The following DRD1 variants were observed in gnomAD, a reference collection of about 807,000 sequenced individuals.
The protein encoded by DRD1 is dopamine receptor D1.
DRD1 carries 2 observed loss-of-function variants against 23.8 expected under a neutral mutation model. The observed-to-expected ratio is 0.08, with a 90% CI of 0.03 to 0.26. DRD1 has a LOEUF of 0.26. DRD1 is among the 10% of genes least tolerant of loss of function. DRD1 has a pLI of 1.00. For synonymous variants in DRD1, 218 were observed against 225.7 expected, an observed-to-expected ratio of 0.97 and a Z score of 0.30; for missense variants, 376 against 559.0, an observed-to-expected ratio of 0.67 and a Z score of 3.30.
Position 175,442,822 on chromosome 5 carries a change from C to T in DRD1, c.278G>A (p.Gly93Glu). Residue 93 changes from glycine to glutamate, a missense_variant, in exon 2 of 2, where the codon GGG (glycine) becomes GAG (glutamate). Coordinates refer to ENST00000393752, the MANE Select transcript of DRD1 (RefSeq NM_000794.5). This position sits in a 1 kb window ranked among gnomAD's most constrained non-coding sequence, Gnocchi z 7.3. Reference protein sequence around the residue: ...VAEIAGFWPFGSFCNIWVAFD... With the variant: ...VAEIAGFWPFESFCNIWVAFD... ...GGCCACCCAGATGTTACAGAAGGAC[C>T]CAAAGGGCCAGAAGCCAGCAATCTC... 1.2e-6 allele frequency: 2 copies of T among 1,614,078 alleles called. No individual in the cohort carries two copies. The highest frequency in any genetic ancestry group is 1.7e-6 in the Non-Finnish European group (2 of 1,180,018).
rs149673312 is a variant in DRD1, at chr5:175,442,719, G to A, written c.381C>T (p.Ser127=). The change falls in exon 2 of 2, where the codon AGC becomes AGT. Residue 127 remains serine, a synonymous_variant. Transcript: ENST00000393752. The surrounding 1 kb of genome is among the most constrained non-coding windows in gnomAD (Gnocchi z 7.3). The part of the protein sequence containing the change: ...ISVDRYWAIS[S]PFRYERKMTP... ...TCATCTTTCTCTCATACCGGAAAGGGCTGGAGATAGCCCAATACCTGTCCA... is the reference window on the plus strand; with the variant it reads ...TCATCTTTCTCTCATACCGGAAAGGACTGGAGATAGCCCAATACCTGTCCA... The A allele has an allele frequency of 1.1e-5, 17 of 1,614,146 alleles. No homozygotes were observed. In the African/African-American group the frequency reaches 1.5e-4, roughly 14 times the overall value.
At position 175,442,584 on chromosome 5, in the gene DRD1, A is replaced by G; in HGVS notation, c.516T>C (p.Ser172=). Residue 172 remains serine, a synonymous_variant, in exon 2 of 2, where the codon TCT becomes TCC. Transcript: ENST00000393752. This position sits in a 1 kb window ranked among gnomAD's most constrained non-coding sequence, Gnocchi z 7.3. ...CAGCCAGGGAAGTGGCATTTCCATC[A>G]GAGGGGCTTGTGGGTTTTGCCTTGT... is the stretch of plus-strand genomic sequence containing the variant. The part of the protein sequence containing the change: ...SWHKAKPTSP[S]DGNATSLAET... 6.2e-7 allele frequency: 1 copy of G among 1,614,218 alleles called. No homozygotes were observed.
At position 175,443,314 on chromosome 5, in the gene DRD1, A is replaced by G; in HGVS notation, c.-215T>C. 1.6e-6 allele frequency: 1 copy of G among 624,082 alleles called. No homozygotes were observed. Among genetic ancestry groups the G allele is most frequent in the Non-Finnish European group, 2.8e-6 (1 of 355,326 alleles). 38.7% of individuals were successfully genotyped at this position (624,082 alleles called of 1,614,324 possible). A position where few individuals can be genotyped will look rare whatever the true frequency, so the allele number is the denominator to read the frequency against. On this transcript the variant is annotated 5_prime_UTR_variant, in exon 2 of 2. An upstream start codon of the reference 5' UTR is lost. Transcript: ENST00000393752. ...GTGGATGGTCACTCTTGATTTCTAC[A>G]TCTGTCTTCTGACTCCCTTGCTGCA...
At position 175,442,805 on chromosome 5, in the gene DRD1, A is replaced by T; in HGVS notation, c.295T>A (p.Trp99Arg). 1 of 1,614,158 alleles carries T rather than the reference A, an allele frequency of 6.2e-7. No individual in the cohort carries two copies. Among genetic ancestry groups the T allele is most frequent in the Non-Finnish European group, 8.5e-7 (1 of 1,180,034 alleles). Residue 99 changes from tryptophan to arginine, a missense_variant, in exon 2 of 2, where the codon TGG (tryptophan) becomes AGG (arginine). Trp to Arg is a moderately radical substitution (Grantham distance 101, BLOSUM62 -3). Transcript: ENST00000393752. The surrounding 1 kb of genome is among the most constrained non-coding windows in gnomAD (Gnocchi z 7.3). Reference protein sequence around the residue: ...FWPFGSFCNIWVAFDIMCSTA... With the variant: ...FWPFGSFCNIRVAFDIMCSTA... Reference sequence around the variant, plus strand: ...GAGCACATGATGTCAAAGGCCACCCAGATGTTACAGAAGGACCCAAAGGGC... The same window carrying T: ...GAGCACATGATGTCAAAGGCCACCCTGATGTTACAGAAGGACCCAAAGGGC...
At position 175,441,334 on chromosome 5, in the gene DRD1, C is replaced by T. The variant is rs1758514944; in HGVS notation, c.*425G>A. On this transcript the variant is annotated 3_prime_UTR_variant, in exon 2 of 2. Transcript: ENST00000393752. ...TAGAAATAATTTATGAAGGCATGCA[C>T]CTACCTTTACAATCTGAAAACTTTG... 1 of 156,258 alleles carries T rather than the reference C, an allele frequency of 6.4e-6. No homozygotes were observed. The highest frequency in any genetic ancestry group is 1.4e-5 in the Non-Finnish European group (1 of 70,760). The allele number at this position is 156,258 out of a possible 1,614,324, so 9.7% of individuals were successfully genotyped here.
In DRD1 at chr5:175,443,238, T is replaced by A; in HGVS notation, c.-139A>T. 2 of 1,151,436 alleles carry A rather than the reference T, an allele frequency of 1.7e-6. No homozygotes were observed. The highest frequency in any genetic ancestry group is 1.2e-6 in the Non-Finnish European group (1 of 817,500). The allele number at this position is 1,151,436 out of a possible 1,614,324, so 71.3% of individuals were successfully genotyped here. A position where few individuals can be genotyped will look rare whatever the true frequency, so the allele number is the denominator to read the frequency against. On this transcript the variant is annotated 5_prime_UTR_variant, in exon 2 of 2. It removes the in-frame stop codon of an upstream open reading frame in the 5' UTR. Transcript: ENST00000393752. Reference sequence around the variant, plus strand: ...CAGATTGCTTCCCTGGCAGAGGGCCTCACCAACATTCCATGAGAGGACCGC... The same window carrying A: ...CAGATTGCTTCCCTGGCAGAGGGCCACACCAACATTCCATGAGAGGACCGC...
At position 175,441,772 on chromosome 5, in the gene DRD1, T is replaced by C. The variant is rs62636575; in HGVS notation, c.1328A>G (p.Gln443Arg). 7 of 1,579,952 alleles carry C rather than the reference T, an allele frequency of 4.4e-6. No homozygotes were observed. In the African/African-American group the frequency reaches 8.1e-5, roughly 18 times the overall value. The change falls in exon 2 of 2, where the codon CAG becomes CGG. Residue 443 changes from glutamine to arginine, a missense_variant. Around this residue, in one of 5 missense-constraint regions of DRD1, gnomAD observed 117 missense variants for 126.9 expected, o/e 0.92. Coordinates refer to ENST00000393752, the MANE Select transcript of DRD1 (RefSeq NM_000794.5). ...TCATCTGCGAGTTCAGGTTGGGTGC[T>C]GACCGTTTTGTGTGATGGGTTGGAT... The part of the protein sequence containing the change: ...EKIQPITQNG[Q>R]HPT
In DRD1 at chr5:175,442,594, G is replaced by C. The variant is rs1758543639; in HGVS notation, c.506C>G (p.Thr169Arg). Residue 169 changes from threonine to arginine, a missense_variant, in exon 2 of 2, where the codon ACA becomes AGA. Coordinates refer to ENST00000393752, the MANE Select transcript of DRD1 (RefSeq NM_000794.5). This position sits in a 1 kb window ranked among gnomAD's most constrained non-coding sequence, Gnocchi z 7.3. Reference sequence around the variant, plus strand: ...AGTGGCATTTCCATCAGAGGGGCTTGTGGGTTTTGCCTTGTGCCAGCTGAG... The same window carrying C: ...AGTGGCATTTCCATCAGAGGGGCTTCTGGGTTTTGCCTTGTGCCAGCTGAG... ...VQLSWHKAKP[T>R]SPSDGNATSL... is the part of the protein sequence containing the mutation. 6.2e-7 allele frequency: 1 copy of C among 1,614,096 alleles called. No individual in the cohort carries two copies. Among genetic ancestry groups the C allele is most frequent in the African/African-American group, 1.3e-5 (1 of 74,932 alleles).
Position 175,443,083 on chromosome 5 carries a change from G to C in DRD1, c.17C>G (p.Thr6Ser), listed in dbSNP as rs1248539778. The change falls in exon 2 of 2, where the codon ACC (threonine) becomes AGC (serine). Residue 6 changes from threonine to serine, a missense_variant. By Grantham distance (58) the Thr-to-Ser change is moderately conservative. Coordinates refer to ENST00000393752, the MANE Select transcript of DRD1 (RefSeq NM_000794.5). Reference protein sequence around the residue: MRTLNTSAMDGTGLVV... With the variant: MRTLNSSAMDGTGLVV... The stretch of plus-strand genomic sequence containing the variant: ...CAGCCCAGTCCCGTCCATGGCAGAG[G>C]TGTTCAGAGTCCTCATCTTCCTAAG... 2.1e-5 allele frequency: 34 copies of C among 1,613,750 alleles called. No individual in the cohort carries two copies. The highest frequency in any genetic ancestry group is 2.8e-5 in the Non-Finnish European group (33 of 1,179,896).
Position 175,441,989 on chromosome 5 carries a change from A to G in DRD1, c.1111T>C (p.Phe371Leu). ...VSINNNGAAM[F>L]SSHHEPRGSI... ...CCTCGTGGCTCATGATGGCTGGAAA[A>G]CATCGCGGCCCCATTGTTATTGATA... The change falls in exon 2 of 2, where the codon TTT becomes CTT. Residue 371 changes from phenylalanine to leucine, a missense_variant. Coordinates refer to ENST00000393752, the MANE Select transcript of DRD1 (RefSeq NM_000794.5). 1 of 1,614,066 alleles carries G rather than the reference A, an allele frequency of 6.2e-7. No homozygotes were observed.
rs559730208 is a variant in DRD1 at position 175,440,868 on chromosome 5, G to A, written c.*891C>T. On this transcript the variant is annotated 3_prime_UTR_variant, in exon 2 of 2. Coordinates refer to ENST00000393752, the MANE Select transcript of DRD1 (RefSeq NM_000794.5). ...GGGAAAGTCATTTGTCATTTAAAACGTTTTGAACACAGTAGTAGCTATACT... is the reference window on the plus strand; with the variant it reads ...GGGAAAGTCATTTGTCATTTAAAACATTTTGAACACAGTAGTAGCTATACT... The A allele has an allele frequency of 3.3e-5, 5 of 152,564 alleles. No individual in the cohort carries two copies. The highest frequency in any genetic ancestry group is 2.1e-4 in the South Asian group (1 of 4,824). The allele number at this position is 152,564 out of a possible 1,614,324, so 9.5% of individuals were successfully genotyped here. A position where few individuals can be genotyped will look rare whatever the true frequency, so the allele number is the denominator to read the frequency against.
At position 175,443,115 on chromosome 5, in the gene DRD1, C is replaced by T; in HGVS notation, c.-16G>A. On this transcript the variant is annotated 5_prime_UTR_variant, in exon 2 of 2. Transcript: ENST00000393752. ...GAGTCCTCATCTTCCTAAGAGAAAG[C>T]ACATCAGGGGCTCTGACACCCCTCA... 3 of 1,607,600 alleles carry T rather than the reference C, an allele frequency of 1.9e-6. No individual in the cohort carries two copies. Among genetic ancestry groups the T allele is most frequent in the Admixed American group, 1.7e-5 (1 of 59,552 alleles).
chr5:175,441,127 G>A lies in DRD1; in HGVS notation c.*632C>T, dbSNP rs62388319. 1,658 of 152,394 alleles carry A rather than the reference G, an allele frequency of 0.011. 16 individuals carry two copies. The highest frequency in any genetic ancestry group is 0.018 in the Non-Finnish European group (1,196 of 67,966). The allele number at this position is 152,394 out of a possible 1,614,324, so 9.4% of individuals were successfully genotyped here. A position where few individuals can be genotyped will look rare whatever the true frequency, so the allele number is the denominator to read the frequency against. Reference sequence around the variant, plus strand: ...TGCTAGTTAAATGGCCAGAAATGTGGTTGTAAGGTCTTGGATAAAACTCAT... The same window carrying A: ...TGCTAGTTAAATGGCCAGAAATGTGATTGTAAGGTCTTGGATAAAACTCAT... On this transcript the variant is annotated 3_prime_UTR_variant, in exon 2 of 2. Transcript: ENST00000393752.
Position 175,440,131 on chromosome 5 carries a change from G to A in DRD1, c.*1628C>T, listed in dbSNP as rs1281202431. On this transcript the variant is annotated 3_prime_UTR_variant, in exon 2 of 2. Transcript: ENST00000393752. ...AATACATAAATAACACAGACCTGAT[G>A]CAGGAGATATTTTTCAGATTTTTTT... 1 of 152,170 alleles carries A rather than the reference G, an allele frequency of 6.6e-6. No homozygotes were observed. Among genetic ancestry groups the A allele is most frequent in the African/African-American group, 2.4e-5 (1 of 41,442 alleles). The allele number at this position is 152,170 out of a possible 1,614,324, so 9.4% of individuals were successfully genotyped here.
Position 175,442,667 on chromosome 5 carries a change from T to C in DRD1, c.433A>G (p.Ser145Gly), listed in dbSNP as rs775081512. The change falls in exon 2 of 2, where the codon AGT becomes GGT. Residue 145 changes from serine to glycine, a missense_variant. This residue lies in a region of DRD1 where 121 missense variants were observed against 239.4 expected (regional missense o/e 0.51). Coordinates refer to ENST00000393752, the MANE Select transcript of DRD1 (RefSeq NM_000794.5). This position sits in a 1 kb window ranked among gnomAD's most constrained non-coding sequence, Gnocchi z 7.3. ...MTPKAAFILISVAWTLSVLIS... is the reference protein window; with the variant it reads ...MTPKAAFILIGVAWTLSVLIS... The stretch of plus-strand genomic sequence containing the variant: ...AGTACAGACAAGGTCCATGCCACAC[T>C]GATCAGGATGAAGGCTGCCTTGGGG... The C allele has an allele frequency of 1.9e-5, 31 of 1,614,028 alleles. No homozygotes were observed. The highest frequency in any genetic ancestry group is 2.6e-5 in the Non-Finnish European group (31 of 1,180,050).
rs1173741946 is a variant in DRD1, at chr5:175,440,345, A to G, written c.*1414T>C. 6.6e-6 allele frequency: 1 copy of G among 152,190 alleles called. No homozygotes were observed. The highest frequency in any genetic ancestry group is 2.4e-5 in the African/African-American group (1 of 41,442). The allele number at this position is 152,190 out of a possible 1,614,324, so 9.4% of individuals were successfully genotyped here. A position where few individuals can be genotyped will look rare whatever the true frequency, so the allele number is the denominator to read the frequency against. On this transcript the variant is annotated 3_prime_UTR_variant, in exon 2 of 2. Transcript: ENST00000393752. ...TCCAAAGCACAGAGAAAGGACTAGC[A>G]TTTGTCAAAAGAGATGCTGATGGCT... is the stretch of plus-strand genomic sequence containing the variant.
rs1758558736 is a variant in DRD1 at position 175,443,345 on chromosome 5, C to G, written c.-246G>C. On this transcript the variant is annotated 5_prime_UTR_variant, in exon 2 of 2. Transcript: ENST00000393752. The stretch of plus-strand genomic sequence containing the variant: ...CTTCTGACTCCCTTGCTGCAGGTCA[C>G]TGTCTTGGGCACCAGAAAGCCCCTG... 1 of 555,844 alleles carries G rather than the reference C, an allele frequency of 1.8e-6. No homozygotes were observed. The highest frequency in any genetic ancestry group is 3.3e-5 in the Admixed American group (1 of 30,530). The allele number at this position is 555,844 out of a possible 1,614,324, so 34.4% of individuals were successfully genotyped here. A position where few individuals can be genotyped will look rare whatever the true frequency, so the allele number is the denominator to read the frequency against.
rs773841109 is a variant in DRD1 at position 175,442,451 on chromosome 5, T to C, written c.649A>G (p.Ile217Val). The C allele has an allele frequency of 4.8e-5, 77 of 1,614,080 alleles. No individual in the cohort carries two copies. The highest frequency in any genetic ancestry group is 6.4e-5 in the Non-Finnish European group (75 of 1,180,040). Reference sequence around the variant, plus strand: ...ATTTGTTTCTGAGCAATCCTGTAGATCCTGGTGTAGGTGACAATCATGATG... The same window carrying C: ...ATTTGTTTCTGAGCAATCCTGTAGACCCTGGTGTAGGTGACAATCATGATG... ...VAIMIVTYTR[I>V]YRIAQKQIRR... The change falls in exon 2 of 2, where the codon ATC becomes GTC. Residue 217 changes from isoleucine to valine, a missense_variant. Physicochemically the swap from Ile to Val is conservative, Grantham distance 29 (BLOSUM62 3). This residue lies in a region of DRD1 where 121 missense variants were observed against 239.4 expected (regional missense o/e 0.51). Coordinates refer to ENST00000393752, the MANE Select transcript of DRD1 (RefSeq NM_000794.5). This position sits in a 1 kb window ranked among gnomAD's most constrained non-coding sequence, Gnocchi z 7.3.
At position 175,443,289 on chromosome 5, in the gene DRD1, G is replaced by A. The variant is rs1758557386; in HGVS notation, c.-190C>T. 1 of 684,318 alleles carries A rather than the reference G, an allele frequency of 1.5e-6. No individual in the cohort carries two copies. Among genetic ancestry groups the A allele is most frequent in the Admixed American group, 3.0e-5 (1 of 33,788 alleles). 42.4% of individuals were successfully genotyped at this position (684,318 alleles called of 1,614,324 possible). On this transcript the variant is annotated 5_prime_UTR_variant, in exon 2 of 2. It adds an upstream start codon to the 5' untranslated region. Transcript: ENST00000393752. ...TTGAGTGGCAATCCAAGTCAATCCC[G>A]TGGATGGTCACTCTTGATTTCTACA...
Sources: allele counts gnomAD v4.1 joint callset, GRCh38; gene constraint gnomAD v4.1.1; regional missense constraint gnomAD v4.1.1; non-coding constraint Gnocchi (gnomAD v3.1); transcripts MANE v1.5; gene names NCBI Gene and HGNC (gene_info 2026-07-23, HGNC 2026-07-21).